Variants in PXDNL observed in about 807,000 individuals in gnomAD.
The protein encoded by PXDNL is peroxidasin like.
PXDNL carries 145 observed loss-of-function variants against 150.8 expected under a neutral mutation model. The observed-to-expected ratio is 0.96, with a 90% CI of 0.84 to 1.10. The LOEUF (loss-of-function observed/expected upper bound fraction) is 1.10. Among genes scored for constraint, PXDNL ranks in the 50% least tolerant of loss-of-function variants. The pLI, the probability that PXDNL is intolerant of heterozygous loss-of-function variation, is 0.00. For synonymous variants in PXDNL, 757 were observed against 725.7 expected (o/e 1.04, Z -0.69); for missense variants, 2,087 against 1,873.9 (o/e 1.11, Z -2.10).
chr8:51,609,859 C>G (rs544134991), intron 2 of PXDNL, among the ~76,000 whole-genome samples: 1 of 152,302 alleles, frequency 6.6e-6, no homozygotes, highest in South Asian at 2.1e-4. Flanking sequence ...TCTGATATCA[C>G]CTGCTAACAA....
intron 5 of PXDNL, among the ~76,000 whole-genome samples, chr8:51,492,075 C>A (rs1281056137): frequency 6.6e-6 from 1 of 152,242 alleles, no homozygotes; most frequent in Non-Finnish European, 1.5e-5. Flanking sequence ...AATGAGGTTG[C>A]AGTAACTGCA....
chr8:51,398,609 C>T (rs1369389716), intron 17 of PXDNL, among the ~76,000 whole-genome samples: 2 of 152,212 alleles, frequency 1.3e-5, no homozygotes, highest in Non-Finnish European at 2.9e-5. Context: ...TGGCCAACAG[C>T]ATTTGGAAGT....
At position 51,408,557 on chromosome 8, in the gene PXDNL, C is replaced by G; in HGVS notation, c.3067G>C (p.Gly1023Arg). 4 of 1,613,108 alleles carry G rather than the reference C, an allele frequency of 2.5e-6. No individual in the cohort carries two copies. Among genetic ancestry groups the G allele is most frequent in the Non-Finnish European group, 3.4e-6 (4 of 1,179,548 alleles). ...TYSHWLPKVL[G>R]DPGTRMLRGY... ...CTCAGCATCCTAGTGCCAGGGTCCC[C>G]CAGGACCTTAGGCAGCCAGTGGCTG... Residue 1023 changes from glycine (G) to arginine (R), a missense_variant, in exon 17 of 23, where the codon GGG (glycine) becomes CGG (arginine). Transcript: ENST00000356297.
At chr8:51,718,993 G>T (rs1181515559) in intron 1 of PXDNL, among the ~76,000 whole-genome samples, 1 of 151,030 alleles carries the variant, frequency 6.6e-6, no homozygotes, top group Non-Finnish European at 1.5e-5. Context: ...AGGGAGGCGG[G>T]GGGCAGCCCC....
rs907089692 is a variant in PXDNL at position 51,447,290 on chromosome 8, C to T, written c.1367-128G>A. The T allele has an allele frequency of 3.2e-5, 28 of 874,142 alleles. No individual in the cohort carries two copies. In the South Asian group the frequency reaches 4.1e-4, roughly 13 times the overall value. The allele number at this position is 874,142 out of a possible 1,614,324, so 54.1% of individuals were successfully genotyped here. A position where few individuals can be genotyped will look rare whatever the true frequency, so the allele number is the denominator to read the frequency against. Reference sequence around the variant, plus strand: ...TCTCGGTGCTAGGGTGTACTGTGTGCGTTGTGCCCTAGGATTGCAACCCCA... The same window carrying T: ...TCTCGGTGCTAGGGTGTACTGTGTGTGTTGTGCCCTAGGATTGCAACCCCA... On this transcript the variant is annotated intron_variant, in intron 11 of 22. Transcript: ENST00000356297.
Position 51,411,338 on chromosome 8 carries a change from C to T in PXDNL, c.1974G>A (p.Met658Ile). The change falls in exon 16 of 23, where the codon ATG (methionine) becomes ATA (isoleucine). Residue 658 changes from methionine to isoleucine, a missense_variant. Physicochemically the swap from Met to Ile is conservative, Grantham distance 10. Transcript: ENST00000356297. Reference sequence around the variant, plus strand: ...GCTCAAAAATCTCCCCTGCTCTTGCCATTTCCACAATCAGTGGGTCACGCG... The same window carrying T: ...GCTCAAAAATCTCCCCTGCTCTTGCTATTTCCACAATCAGTGGGTCACGCG... ...HYPRDPLIVEMARAGEIFEHT... is the reference protein window; with the variant it reads ...HYPRDPLIVEIARAGEIFEHT... 6.3e-7 allele frequency: 1 copy of T among 1,590,758 alleles called. No individual in the cohort carries two copies. Among genetic ancestry groups the T allele is most frequent in the Non-Finnish European group, 8.5e-7 (1 of 1,170,810 alleles).
chr8:51,521,104 A>T (rs538608208), intron 4 of PXDNL, among the ~76,000 whole-genome samples: 18 of 152,150 alleles, frequency 1.2e-4, no homozygotes, highest in Middle Eastern at 3.4e-3. Context: ...TTAGCCAGGC[A>T]TTGTATTCCT....
intron 3 of PXDNL, among the ~76,000 whole-genome samples, chr8:51,590,538 T>G (rs76439563): frequency 1.3e-5 from 2 of 152,316 alleles, no homozygotes; most frequent in African/African-American, 4.8e-5. Context: ...AAATTCCCCA[T>G]GTCCAGAAGG....
At chr8:51,456,813 C>A (rs1001735823) in intron 9 of PXDNL, among the ~76,000 whole-genome samples, 6 of 152,168 alleles carry the variant, frequency 3.9e-5, no homozygotes, top group African/African-American at 1.4e-4. Context: ...ACAAATGCTG[C>A]AAATCAGGGC....
chr8:51,379,964 G>A (rs1807481744), intron 17 of PXDNL, among the ~76,000 whole-genome samples: 1 of 151,772 alleles, frequency 6.6e-6, no homozygotes, highest in Non-Finnish European at 1.5e-5. Context: ...TTCCATATAT[G>A]AGCCCTTTTT....
chr8:51,579,533 A>G (rs1211665512), intron 3 of PXDNL, among the ~76,000 whole-genome samples: 1 of 152,106 alleles, frequency 6.6e-6, no homozygotes, highest in African/African-American at 2.4e-5. Context: ...ACAATTTATC[A>G]GTGTCTTTAA....
chr8:51,436,184 A>G (rs1414601677), intron 12 of PXDNL: 1 of 521,518 alleles, frequency 1.9e-6, no homozygotes, highest in African/African-American at 1.9e-5. Context: ...ACACCGTGGT[A>G]TCATCCCAAA....
chr8:51,625,794 CTCTTTAAAATATT>C (rs2130744022), intron 2 of PXDNL, among the ~76,000 whole-genome samples: 1 of 152,314 alleles, frequency 6.6e-6, no homozygotes, highest in African/African-American at 2.4e-5. Flanking sequence ...ATAATTGTCT[CTCTTTAAAATATT>C]TATTTAAAAC....
intron 16 of PXDNL, 82 bp from the exon 17 acceptor site, chr8:51,409,643 C>A (rs181541260): frequency 3.2e-5 from 38 of 1,169,230 alleles, no homozygotes; most frequent in Non-Finnish European, 4.3e-5. Context: ...GCTGCGGGAA[C>A]CACCTCCCAC....
chr8:51,676,797 A>C (rs952000762), intron 1 of PXDNL, among the ~76,000 whole-genome samples: 1 of 152,214 alleles, frequency 6.6e-6, no homozygotes, highest in Non-Finnish European at 1.5e-5. Flanking sequence ...TATCAAGCTC[A>C]GTGTCATATA....
At chr8:51,494,542 G>A (rs1370571143) in intron 5 of PXDNL, among the ~76,000 whole-genome samples, 6 of 152,100 alleles carry the variant, frequency 3.9e-5, no homozygotes, top group South Asian at 2.1e-4. Flanking sequence ...CCCATCTCAC[G>A]TGCAGAGACA....
intron 17 of PXDNL, among the ~76,000 whole-genome samples, chr8:51,384,160 T>C (rs1807629660): frequency 6.6e-6 from 1 of 152,160 alleles, no homozygotes. Context: ...AAACATGTCC[T>C]TTGGCAAAAA....
rs2130923346 is a variant in PXDNL, at chr8:51,724,916, C to T, written c.165-70156G>A. Among the ~76,000 whole-genome samples, 6 of 152,294 alleles carry T rather than the reference C, an allele frequency of 3.9e-5. 2 individuals are homozygous for T. In the South Asian group the frequency reaches 1.2e-3, roughly 32 times the overall value. On this transcript the variant is annotated intron_variant, in intron 1 of 22. Coordinates refer to ENST00000356297, the MANE Select transcript of PXDNL (RefSeq NM_144651.5). Reference sequence around the variant, plus strand: ...CCAGGAACTACCCCCTAATTGCTCCCCTCATCCAGGAGCCAGACTCCTCTA... The same window carrying T: ...CCAGGAACTACCCCCTAATTGCTCCTCTCATCCAGGAGCCAGACTCCTCTA...
chr8:51,625,325 T>C (rs1278128420), intron 2 of PXDNL, among the ~76,000 whole-genome samples: 3 of 152,292 alleles, frequency 2.0e-5, no homozygotes, highest in Non-Finnish European at 4.4e-5. Context: ...AATATTACTC[T>C]CAAATTACGT....
Sources: allele counts gnomAD v4.1 joint callset (sites outside exome capture counted in the v4.1 genomes callset), GRCh38; gene constraint gnomAD v4.1.1; transcripts MANE v1.5; gene names NCBI Gene and HGNC (gene_info 2026-07-23, HGNC 2026-07-21).